ARHGEF3: variants seen among roughly 807,000 people sequenced by gnomAD.
ARHGEF3 encodes the protein Rho guanine nucleotide exchange factor 3.
In ARHGEF3, 28 loss-of-function variants were observed where a neutral mutation model predicts 63.2. The observed-to-expected ratio is 0.44, with a 90% CI of 0.33 to 0.61. The LOEUF (loss-of-function observed/expected upper bound fraction) is 0.61. ARHGEF3 is among the 20% of genes least tolerant of loss of function. The pLI is 0.03. For synonymous variants in ARHGEF3, 266 were observed against 254.2 expected (o/e 1.05, Z -0.44); for missense variants, 533 against 659.3 (o/e 0.81, Z 2.10).
intron 1 of ARHGEF3, among the ~76,000 whole-genome samples, chr3:57,038,198 G>A (rs1202556355): frequency 1.3e-5 from 2 of 152,210 alleles, no homozygotes; most frequent in Non-Finnish European, 2.9e-5. Flanking sequence ...ACTGTGGCAT[G>A]ACATGCACAG....
At chr3:57,031,128 G>C (rs1400832027) in intron 2 of ARHGEF3, among the ~76,000 whole-genome samples, 3 of 152,156 alleles carry the variant, frequency 2.0e-5, no homozygotes, top group Non-Finnish European at 4.4e-5. Flanking sequence ...CATTGGTCTA[G>C]AAATATTAGT....
At chr3:56,764,290 T>C (rs561557721) in intron 2 of ARHGEF3, among the ~76,000 whole-genome samples, 11 of 152,126 alleles carry the variant, frequency 7.2e-5, no homozygotes, top group South Asian at 2.1e-4. Context: ...ACCATCTTCA[T>C]TGGGCACCAT....
chr3:56,971,375 G>A (rs538853210), intron 2 of ARHGEF3, among the ~76,000 whole-genome samples: 7 of 152,102 alleles, frequency 4.6e-5, no homozygotes, highest in South Asian at 2.1e-4. Flanking sequence ...CTCTCAGGCC[G>A]TGCTGGATCC....
At chr3:57,067,808 T>G (rs1579209610) in intron 1 of ARHGEF3, among the ~76,000 whole-genome samples, 1 of 140,600 alleles carries the variant, frequency 7.1e-6, no homozygotes, top group Non-Finnish European at 1.5e-5. Context: ...TGAAACCCCG[T>G]CTCTACTAAA....
chr3:56,970,174 T>C (rs368575026), intron 2 of ARHGEF3, among the ~76,000 whole-genome samples: 105 of 152,336 alleles, frequency 6.9e-4, no homozygotes, highest in Middle Eastern at 3.4e-3. Context: ...TATACATTTT[T>C]AAATAGTTGA....
intron 2 of ARHGEF3, among the ~76,000 whole-genome samples, chr3:56,984,916 T>G (rs1701474107): frequency 6.6e-6 from 1 of 152,220 alleles, no homozygotes; most frequent in South Asian, 2.1e-4. Context: ...CTTTGCTACC[T>G]GCTATCAGCA....
chr3:57,048,143 C>T (rs1013173557), intron 1 of ARHGEF3, among the ~76,000 whole-genome samples: 2 of 152,160 alleles, frequency 1.3e-5, no homozygotes, highest in Admixed American at 6.5e-5. Context: ...CACCACCACC[C>T]CGCCCTAACT....
At chr3:57,065,824 G>GCC (rs1560173684) in intron 1 of ARHGEF3, among the ~76,000 whole-genome samples, 1 of 152,072 alleles carries the variant, frequency 6.6e-6, no homozygotes, top group Non-Finnish European at 1.5e-5. Flanking sequence ...AGCACACACA[G>GCC]CCCCCTACAG....
At chr3:56,807,447 C>G (rs1001606603) in intron 4 of ARHGEF3, among the ~76,000 whole-genome samples, 2 of 152,154 alleles carry the variant, frequency 1.3e-5, no homozygotes, top group African/African-American at 4.8e-5. Context: ...AGCTGATCCC[C>G]GAAAGCCTGG....
chr3:57,058,141 G>A (rs1705025322), intron 1 of ARHGEF3, among the ~76,000 whole-genome samples: 2 of 152,146 alleles, frequency 1.3e-5, no homozygotes, highest in Non-Finnish European at 2.9e-5. Context: ...TAAAAGTCCT[G>A]AAAGAACAAG....
rs151319349 is a variant in ARHGEF3, at chr3:56,728,968, ATTCT to A, written c.*298_*301del. The A allele has an allele frequency of 0.01, 2,845 of 282,418 alleles. 71 individuals are homozygous for A. Among genetic ancestry groups the A allele is most frequent in the African/African-American group, 0.057 (2,607 of 46,008 alleles). The allele number at this position is 282,418 out of a possible 1,614,324, so 17.5% of individuals were successfully genotyped here. Reference sequence around the variant, plus strand: ...ATCTATGTAAAACAGTAGTTTTGAGATTCTTTTTCTATTTTTTTAAAATCCAGCA... The same window carrying A: ...ATCTATGTAAAACAGTAGTTTTGAGATTTTCTATTTTTTTAAAATCCAGCA... On this transcript the variant is annotated 3_prime_UTR_variant, in exon 10 of 10. Coordinates refer to ENST00000296315, the MANE Select transcript of ARHGEF3 (RefSeq NM_019555.3).
intron 2 of ARHGEF3, among the ~76,000 whole-genome samples, chr3:57,017,032 T>TCACACACACACA (rs1553806980): frequency 5.8e-5 from 6 of 104,314 alleles, no homozygotes; most frequent in African/African-American, 2.1e-4. Flanking sequence ...TCTCTCTCTC[T>TCACACACACACA]CACACACACA....
intron 2 of ARHGEF3, among the ~76,000 whole-genome samples, chr3:57,016,143 C>T (rs940513136): frequency 4.6e-5 from 7 of 152,194 alleles, no homozygotes; most frequent in African/African-American, 1.7e-4. Context: ...CTGAAATCCA[C>T]CTTCCAATCC....
intron 3 of ARHGEF3, among the ~76,000 whole-genome samples, chr3:56,947,152 A>G (rs62251115): frequency 0.1 from 15,729 of 152,256 alleles, 1,121 homozygotes; most frequent in Non-Finnish European, 0.15. Context: ...AGGAACAACC[A>G]GTACCAGCCA....
At chr3:56,998,496 A>T (rs770519828) in intron 2 of ARHGEF3, among the ~76,000 whole-genome samples, 5 of 150,682 alleles carry the variant, frequency 3.3e-5, no homozygotes, top group African/African-American at 7.4e-5. Flanking sequence ...TGGGGACCCC[A>T]GGCACAATGA....
At chr3:56,909,335 T>C (rs757736892) in intron 3 of ARHGEF3, among the ~76,000 whole-genome samples, 3 of 152,190 alleles carry the variant, frequency 2.0e-5, no homozygotes, top group Non-Finnish European at 4.4e-5. Context: ...CTTGAAGAGT[T>C]TGTGCCCAAA....
At chr3:57,039,574 A>G (rs954304097) in intron 1 of ARHGEF3, among the ~76,000 whole-genome samples, 1 of 152,168 alleles carries the variant, frequency 6.6e-6, no homozygotes, top group Non-Finnish European at 1.5e-5. Context: ...TCTCATAGCA[A>G]TGTAGGTCAG....
At chr3:56,888,828 G>A (rs2041013656) in intron 3 of ARHGEF3, among the ~76,000 whole-genome samples, 1 of 152,026 alleles carries the variant, frequency 6.6e-6, no homozygotes. Flanking sequence ...GCTTGAACCT[G>A]GGAGACGGAG....
At chr3:57,035,235 A>T (rs1703904149) in intron 1 of ARHGEF3, 2 of 979,430 alleles carry the variant, frequency 2.0e-6, no homozygotes, top group Non-Finnish European at 2.9e-6. Context: ...TGTTATAAAC[A>T]CACAAAGAGC....
Sources: allele counts gnomAD v4.1 joint callset (sites outside exome capture counted in the v4.1 genomes callset), GRCh38; gene constraint gnomAD v4.1.1; transcripts MANE v1.5; gene names NCBI Gene and HGNC (gene_info 2026-07-23, HGNC 2026-07-21).